The following TLE4 variants were observed in gnomAD, a reference collection of about 807,000 sequenced individuals.
The protein encoded by TLE4 is transducin-like enhancer protein 4.
TLE4 carries 8 observed loss-of-function variants against 92.8 expected under a neutral mutation model. The observed-to-expected ratio is 0.09, with a 90% confidence interval of 0.05 to 0.16. TLE4 has a LOEUF of 0.16. TLE4 is among the 10% of genes least tolerant of loss of function. The probability of loss-of-function intolerance (pLI) is 1.00; values close to 1 mark genes in which losing one functional copy is unlikely to be tolerated. For missense variants in TLE4, 675 were observed against 997.6 expected, an observed-to-expected ratio of 0.68 and a Z score of 4.36; for synonymous variants, 371 against 374.1, an observed-to-expected ratio of 0.99 and a Z score of 0.10.
intron 8 of TLE4, among the ~76,000 whole-genome samples, chr9:79,678,924 A>G (rs1312769183): frequency 6.6e-6 from 1 of 152,174 alleles, no homozygotes; most frequent in South Asian, 2.1e-4. Context: ...TTCCAGTTTC[A>G]TCCATGTCCC....
chr9:79,660,042 A>G (rs1205571605), intron 8 of TLE4, among the ~76,000 whole-genome samples: 1 of 152,190 alleles, frequency 6.6e-6, no homozygotes, highest in East Asian at 1.9e-4. Flanking sequence ...ATTCTGTCCC[A>G]TTCTCCCATC....
intron 4 of TLE4, among the ~76,000 whole-genome samples, chr9:79,598,248 CAAAAAAAAAAAAA>C (rs11460494): frequency 1.4e-4 from 9 of 62,728 alleles, no homozygotes; most frequent in Non-Finnish European, 2.6e-4. Context: ...GACTCCGTCT[CAAAAAAAAAAAAA>C]AGAAAAAAAA....
At chr9:79,594,333 A>C (rs1427057163) in intron 4 of TLE4, among the ~76,000 whole-genome samples, 2 of 152,156 alleles carry the variant, frequency 1.3e-5, no homozygotes, top group Non-Finnish European at 2.9e-5. Flanking sequence ...AATGTCTTCC[A>C]TTTCTACATT....
chr9:79,651,430 C>G (rs2058974161), intron 6 of TLE4, among the ~76,000 whole-genome samples: 1 of 152,172 alleles, frequency 6.6e-6, no homozygotes, highest in African/African-American at 2.4e-5. Context: ...CCATTCCAGC[C>G]TCTTGAGGGC....
chr9:79,655,651 T>TA (rs1175819025), intron 8 of TLE4, among the ~76,000 whole-genome samples: 1 of 152,184 alleles, frequency 6.6e-6, no homozygotes, highest in Non-Finnish European at 1.5e-5. Context: ...GTACTTAGAC[T>TA]AAAAAAGCAT....
intron 14 of TLE4, among the ~76,000 whole-genome samples, chr9:79,712,867 T>C (rs2073673454): frequency 6.6e-6 from 1 of 152,214 alleles, no homozygotes; most frequent in Non-Finnish European, 1.5e-5. Context: ...AGATGTGACA[T>C]GTGAACACAG....
At chr9:79,652,495 C>CT (rs2059184927) in intron 6 of TLE4, 98 bp from the exon 7 acceptor site, 2 of 1,437,070 alleles carry the variant, frequency 1.4e-6, no homozygotes, top group Admixed American at 1.7e-5. Context: ...CCGGTGTTGG[C>CT]TTTTTTACTG....
rs1234169686 is a variant in TLE4, at chr9:79,709,706, AC to A, written c.1340+9del. The stretch of plus-strand genomic sequence containing the variant: ...GCATTCCAGGAGGAAAACCGTGAGT[AC>A]CTTTTTGCCTCTGTGCTCATTGTGT... On this transcript the variant is annotated splice_region_variant and intron_variant, in intron 14 of 19. Coordinates refer to ENST00000376552, the MANE Select transcript of TLE4 (RefSeq NM_007005.6). The A allele has an allele frequency of 1.9e-6, 3 of 1,613,880 alleles. No individual in the cohort carries two copies. The Admixed American group carries it at 5.0e-5, about 27-fold the overall frequency.
At chr9:79,717,339 C>G (rs556767742) in intron 14 of TLE4, among the ~76,000 whole-genome samples, 21 of 152,308 alleles carry the variant, frequency 1.4e-4, no homozygotes, top group African/African-American at 4.6e-4. Context: ...TTCAGCATCT[C>G]TCTCTCAGGT....
rs1416690655 is a variant in TLE4, at chr9:79,722,593, C to T, written c.2129C>T (p.Ala710Val). The stretch of plus-strand genomic sequence containing the variant: ...AGCTGTGTGCTGTCGCTCAAGTTTG[C>T]CCATTGTGGTAAGCAAGCACCTTTT... The part of the protein sequence containing the change: ...HESCVLSLKF[A>V]HCGKWFVSTG... Residue 710 changes from alanine (A) to valine (V), a missense_variant, in exon 18 of 20, where the codon GCC becomes GTC. By Grantham distance (64) the Ala-to-Val change is moderately conservative (BLOSUM62 0). Transcript: ENST00000376552. 1.4e-5 allele frequency: 22 copies of T among 1,613,724 alleles called. No homozygotes were observed. Among genetic ancestry groups the T allele is most frequent in the Non-Finnish European group, 1.8e-5 (21 of 1,179,946 alleles).
intron 8 of TLE4, among the ~76,000 whole-genome samples, chr9:79,700,358 G>T (rs977621055): frequency 2.6e-5 from 4 of 152,164 alleles, no homozygotes; most frequent in African/African-American, 9.7e-5. Flanking sequence ...CTTTTGGAGG[G>T]GGAAGTTACT....
chr9:79,687,107 A>G (rs1246224432), intron 8 of TLE4, among the ~76,000 whole-genome samples: 1 of 152,348 alleles, frequency 6.6e-6, no homozygotes, highest in Non-Finnish European at 1.5e-5. Flanking sequence ...ATTATAGATT[A>G]GCAATAATGA....
intron 6 of TLE4, chr9:79,649,749 CTA>C (rs2058645602): frequency 3.1e-6 from 4 of 1,278,626 alleles, no homozygotes; most frequent in South Asian, 1.2e-5. Context: ...TCATGTATAA[CTA>C]TGATTTCTGC....
intron 8 of TLE4, among the ~76,000 whole-genome samples, chr9:79,699,385 T>A (rs2069135479): frequency 6.6e-6 from 1 of 152,182 alleles, no homozygotes; most frequent in Non-Finnish European, 1.5e-5. Flanking sequence ...GTTTGAGAAT[T>A]CCTATAGTGA....
At chr9:79,584,927 C>T (rs1187350835) in intron 4 of TLE4, among the ~76,000 whole-genome samples, 1 of 152,144 alleles carries the variant, frequency 6.6e-6, no homozygotes, top group Non-Finnish European at 1.5e-5. Context: ...TCAGTTTGAA[C>T]GTCACTGTAT....
chr9:79,680,735 T>C (rs1156373984), intron 8 of TLE4, among the ~76,000 whole-genome samples: 5 of 152,242 alleles, frequency 3.3e-5, no homozygotes, highest in African/African-American at 7.2e-5. Context: ...CCAGTTTTTG[T>C]CCATTCAGTA....
In TLE4 at chr9:79,712,370, CAGAAATG is replaced by C. The variant is rs1183647025; in HGVS notation, c.1340+2673_1340+2679del. ...ATACTTTTATTATAGATTTTTACAG[CAGAAATG>C]AATATAACAGTTATGTGGCTCTCCA... On this transcript the variant is annotated intron_variant, in intron 14 of 19. Coordinates refer to ENST00000376552, the MANE Select transcript of TLE4 (RefSeq NM_007005.6). Among the ~76,000 whole-genome samples, 15 of 152,208 alleles carry C rather than the reference CAGAAATG, an allele frequency of 9.9e-5. No homozygotes were observed. The East Asian group carries it at 2.9e-3, about 29-fold the overall frequency.
At chr9:79,662,994 C>G (rs1251569722) in intron 8 of TLE4, among the ~76,000 whole-genome samples, 1 of 147,542 alleles carries the variant, frequency 6.8e-6, no homozygotes, top group Non-Finnish European at 1.5e-5. Context: ...AACACTTGAT[C>G]TGTGCTACTG....
At chr9:79,710,575 C>CCTT (rs1471742709) in intron 14 of TLE4, among the ~76,000 whole-genome samples, 1 of 152,162 alleles carries the variant, frequency 6.6e-6, no homozygotes, top group African/African-American at 2.4e-5. Context: ...CAGCTCAAGG[C>CCTT]GCCTTCTCCC....
Sources: allele counts gnomAD v4.1 joint callset (sites outside exome capture counted in the v4.1 genomes callset), GRCh38; gene constraint gnomAD v4.1.1; transcripts MANE v1.5; gene names NCBI Gene and HGNC (gene_info 2026-07-23, HGNC 2026-07-21).